AGMO: variants seen among roughly 807,000 people sequenced by gnomAD.
AGMO encodes the protein alkylglycerol monooxygenase.
AGMO carries 75 observed loss-of-function variants against 60.2 expected under a neutral mutation model. The ratio of observed to expected loss-of-function variants is 1.25; its 90% confidence interval spans 1.03 to 1.51. The LOEUF (loss-of-function observed/expected upper bound fraction) is 1.51, where lower values mean the gene tolerates loss of function less well. Ranked by LOEUF, AGMO falls within the 40% of genes most tolerant of loss-of-function variation. AGMO has a pLI of 0.00. For missense variants in AGMO, 763 were observed against 525.5 expected (o/e 1.45, Z -4.42); for synonymous variants, 261 against 177.1 (o/e 1.47, Z -3.76).
chr7:15,159,883 C>A, the AGMO span, among the ~76,000 whole-genome samples: 2 of 152,186 alleles, frequency 1.3e-5, no homozygotes, highest in African/African-American at 4.8e-5. Context: ...ATGATCCCTA[C>A]ACCCATATTA....
intron 3 of AGMO, among the ~76,000 whole-genome samples, chr7:15,500,661 G>T (rs1308304213): frequency 1.3e-5 from 2 of 151,772 alleles, no homozygotes; most frequent in East Asian, 1.9e-4. Context: ...TCCATCTTTT[G>T]TATGGTTTTC....
chr7:15,128,241 G>A, the AGMO span, among the ~76,000 whole-genome samples: 1 of 152,022 alleles, frequency 6.6e-6, no homozygotes, highest in Non-Finnish European at 1.5e-5. Context: ...GGTTTCCCAG[G>A]TAGACAAAGA....
chr7:15,469,995 C>T (rs192153903), intron 3 of AGMO, among the ~76,000 whole-genome samples: 2 of 151,902 alleles, frequency 1.3e-5, no homozygotes, highest in South Asian at 2.1e-4. Context: ...GGTAAAAGAA[C>T]CAAACAGCAA....
At chr7:15,462,259 G>C (rs1217031711) in intron 3 of AGMO, among the ~76,000 whole-genome samples, 2 of 152,066 alleles carry the variant, frequency 1.3e-5, no homozygotes, top group Non-Finnish European at 2.9e-5. Flanking sequence ...TGTCAGTTGA[G>C]AGTGATATAA....
chr7:15,179,729 G>C, the AGMO span, among the ~76,000 whole-genome samples: 1 of 152,178 alleles, frequency 6.6e-6, no homozygotes, highest in Admixed American at 6.5e-5. Flanking sequence ...TCCTGCAGCA[G>C]GTTTCTGCCT....
intron 5 of AGMO, 129 bp from the exon 6 acceptor site, chr7:15,394,308 G>A (rs1784279912): frequency 1.4e-6 from 1 of 695,778 alleles, no homozygotes; most frequent in Non-Finnish European, 2.4e-6. Context: ...ATCAGAGAGT[G>A]GAAAAAAGTT....
chr7:15,427,222 A>G (rs1286504198), intron 4 of AGMO, among the ~76,000 whole-genome samples: 1 of 152,188 alleles, frequency 6.6e-6, no homozygotes, highest in African/African-American at 2.4e-5. Flanking sequence ...TAGATACATA[A>G]TGTATAGTGG....
chr7:15,173,137 T>C, the AGMO span, among the ~76,000 whole-genome samples: 1 of 152,162 alleles, frequency 6.6e-6, no homozygotes, highest in South Asian at 2.1e-4. Context: ...TTGAATATAT[T>C]TGTTGAAGTA....
intron 12 of AGMO, among the ~76,000 whole-genome samples, chr7:15,244,857 T>C (rs1246279816): frequency 2.6e-5 from 4 of 152,140 alleles, no homozygotes; most frequent in African/African-American, 9.7e-5. Context: ...TTTCACCATG[T>C]TACTCAGGAT....
At chr7:15,242,408 T>C (rs1343230855) in intron 12 of AGMO, among the ~76,000 whole-genome samples, 3 of 152,272 alleles carry the variant, frequency 2.0e-5, no homozygotes, top group Non-Finnish European at 4.4e-5. Flanking sequence ...TAGGGTAAAA[T>C]TGGGCTTATT....
intron 12 of AGMO, among the ~76,000 whole-genome samples, chr7:15,202,466 A>AAAAAAAAAC (rs1781319781): frequency 2.6e-5 from 2 of 77,818 alleles, no homozygotes; most frequent in African/African-American, 1.3e-4. Flanking sequence ...AGCAAAAAAA[A>AAAAAAAAAC]AAAAAAAAAA....
intron 2 of AGMO, among the ~76,000 whole-genome samples, chr7:15,556,870 T>C (rs779245309): frequency 6.6e-6 from 1 of 152,068 alleles, no homozygotes; most frequent in Non-Finnish European, 1.5e-5. Flanking sequence ...AGGACTAGTA[T>C]CTGACTAGGA....
intron 12 of AGMO, among the ~76,000 whole-genome samples, chr7:15,308,055 C>T (rs116111369): frequency 6.6e-6 from 1 of 152,052 alleles, no homozygotes; most frequent in East Asian, 1.9e-4. Context: ...CTGGTCCTCA[C>T]TACACCCCTT....
the AGMO span, among the ~76,000 whole-genome samples, chr7:15,156,526 C>G: frequency 6.6e-6 from 1 of 152,192 alleles, no homozygotes; most frequent in East Asian, 1.9e-4. Context: ...TGCCAACTCC[C>G]CAGACAGTTC....
chr7:15,389,120 T>C (rs1308641446), intron 8 of AGMO, among the ~76,000 whole-genome samples: 1 of 152,186 alleles, frequency 6.6e-6, no homozygotes, highest in East Asian at 1.9e-4. Context: ...TCCCAAAGCC[T>C]TGCTTCTGAA....
At chr7:15,450,977 T>C (rs1562513986) in intron 3 of AGMO, among the ~76,000 whole-genome samples, 2 of 152,184 alleles carry the variant, frequency 1.3e-5, no homozygotes, top group African/African-American at 4.8e-5. Flanking sequence ...TAACTGTTGT[T>C]AATGATTTAA....
At chr7:15,257,513 A>G (rs1227170678) in intron 12 of AGMO, among the ~76,000 whole-genome samples, 1 of 152,216 alleles carries the variant, frequency 6.6e-6, no homozygotes, top group African/African-American at 2.4e-5. Flanking sequence ...TCCTAATTGT[A>G]AATATAAAAA....
At chr7:15,120,063 A>G in the AGMO span, among the ~76,000 whole-genome samples, 1 of 151,828 alleles carries the variant, frequency 6.6e-6, no homozygotes, top group East Asian at 1.9e-4. Flanking sequence ...TCATTACTAG[A>G]TCTTTTCCGT....
chr7:15,349,347 G>A (rs1290381500), intron 12 of AGMO, among the ~76,000 whole-genome samples: 3 of 152,132 alleles, frequency 2.0e-5, no homozygotes, highest in South Asian at 2.1e-4. Flanking sequence ...ATCCTTGCCA[G>A]AAGGTTTATA....
Sources: allele counts gnomAD v4.1 joint callset (sites outside exome capture counted in the v4.1 genomes callset), GRCh38; gene constraint gnomAD v4.1.1; transcripts MANE v1.5; gene names NCBI Gene and HGNC (gene_info 2026-07-23, HGNC 2026-07-21).